The following LRP1B variants were observed in gnomAD, a reference collection of about 807,000 sequenced individuals.
The protein encoded by LRP1B is low-density lipoprotein receptor-related protein 1B.
LRP1B carries 217 observed loss-of-function variants against 556.6 expected under a neutral mutation model. The observed-to-expected ratio is 0.39, with a 90% CI of 0.35 to 0.44. The LOEUF is 0.44. Among genes scored for constraint, LRP1B ranks in the 20% least tolerant of loss-of-function variants. The pLI is 1.00. For missense variants in LRP1B, 5,053 were observed against 5,620.8 expected (o/e 0.90, Z 3.23); for synonymous variants, 2,047 against 1,865.8 (o/e 1.10, Z -2.50).
At chr2:142,027,023 G>C (rs1024463378) in intron 1 of LRP1B, among the ~76,000 whole-genome samples, 18 of 152,120 alleles carry the variant, frequency 1.2e-4, no homozygotes, top group African/African-American at 4.3e-4. Context: ...TTCACTTGTA[G>C]CAGCTAGAAA....
intron 16 of LRP1B, among the ~76,000 whole-genome samples, chr2:140,991,746 C>T (rs976236446): frequency 6.6e-6 from 1 of 151,980 alleles, no homozygotes; most frequent in Non-Finnish European, 1.5e-5. Context: ...AAAGATTTTC[C>T]TAAGAAGGTA....
At chr2:141,681,651 G>T (rs1373890380) in intron 2 of LRP1B, among the ~76,000 whole-genome samples, 1 of 152,104 alleles carries the variant, frequency 6.6e-6, no homozygotes, top group Admixed American at 6.6e-5. Context: ...TCAGAACAAA[G>T]TTAATTTTAT....
intron 1 of LRP1B, among the ~76,000 whole-genome samples, chr2:142,017,190 C>T (rs2105168574): frequency 6.6e-6 from 1 of 152,120 alleles, no homozygotes; most frequent in South Asian, 2.1e-4. Flanking sequence ...GTCTTAGAAA[C>T]ATTGGCACTC....
intron 35 of LRP1B, among the ~76,000 whole-genome samples, chr2:140,748,792 T>TA (rs1559094686): frequency 2.1e-5 from 1 of 48,644 alleles, no homozygotes; most frequent in African/African-American, 6.7e-5. Flanking sequence ...ATAATATATA[T>TA]TATATACATA....
chr2:140,336,847 T>TA (rs1352296275), intron 77 of LRP1B, among the ~76,000 whole-genome samples: 4 of 151,840 alleles, frequency 2.6e-5, no homozygotes, highest in African/African-American at 7.2e-5. Flanking sequence ...GTGTAGTAAT[T>TA]AATTTGACAT....
chr2:140,307,455 A>G (rs1162928164), intron 83 of LRP1B, among the ~76,000 whole-genome samples: 1 of 151,848 alleles, frequency 6.6e-6, no homozygotes, highest in Non-Finnish European at 1.5e-5. Context: ...AAGAAGCTTC[A>G]TATAAAATCC....
chr2:141,322,815 T>C (rs967321232), intron 3 of LRP1B, among the ~76,000 whole-genome samples: 2 of 151,970 alleles, frequency 1.3e-5, no homozygotes, highest in African/African-American at 4.8e-5. Flanking sequence ...AATCAGCTAT[T>C]GAAGAGATGT....
rs751680446 is a variant in LRP1B at position 140,335,681 on chromosome 2, T to C, written c.12050A>G (p.Asn4017Ser). The C allele has an allele frequency of 7.1e-5, 114 of 1,612,564 alleles. No individual in the cohort carries two copies. The highest frequency in any genetic ancestry group is 9.4e-5 in the Non-Finnish European group (111 of 1,178,986). Residue 4017 changes from asparagine to serine, a missense_variant, in exon 78 of 91, where the codon AAC (asparagine) becomes AGC (serine). By Grantham distance (46) the Asn-to-Ser change is conservative (BLOSUM62 1). This residue lies in a region of LRP1B where 599 missense variants were observed against 648.4 expected (regional missense o/e 0.92). Transcript: ENST00000389484. The part of the protein sequence containing the change: ...SINVGQLNGP[N>S]CTRLLTNMAG... The stretch of plus-strand genomic sequence containing the variant: ...CATATTTGTTAAGAGTCTGGTGCAG[T>C]TGGGGCCATTCAGCTGCCCTACGTT...
intron 2 of LRP1B, among the ~76,000 whole-genome samples, chr2:141,559,458 T>C (rs1376783388): frequency 6.6e-6 from 1 of 151,718 alleles, no homozygotes; most frequent in African/African-American, 2.4e-5. Flanking sequence ...TCAGATTAGA[T>C]TATGTCTGTT....
Position 140,358,072 on chromosome 2 carries a change from C to T in LRP1B, c.11302G>A (p.Ala3768Thr). 1 of 1,611,356 alleles carries T rather than the reference C, an allele frequency of 6.2e-7. No homozygotes were observed. The highest frequency in any genetic ancestry group is 8.5e-7 in the Non-Finnish European group (1 of 1,178,258). ...GGGATGCATTTTTTATTACTACAAG[C>T]AAACTCATCCTTTTTACAAGGCCTT... ...KARPCKKDEFACSNKKCIPMD... is the reference protein window; with the variant it reads ...KARPCKKDEFTCSNKKCIPMD... The change falls in exon 74 of 91, where the codon GCT becomes ACT. Residue 3768 changes from alanine (A) to threonine (T), a missense_variant. Ala to Thr is a moderately conservative substitution (Grantham distance 58). Transcript: ENST00000389484.
At chr2:141,966,899 G>T (rs75933820) in intron 1 of LRP1B, among the ~76,000 whole-genome samples, 6,862 of 151,768 alleles carry the variant, frequency 0.045, 517 homozygotes, top group African/African-American at 0.16. Context: ...GAGATGGACT[G>T]GATACTTCAG....
intron 5 of LRP1B, among the ~76,000 whole-genome samples, chr2:141,236,077 G>A (rs1230309184): frequency 2.0e-5 from 3 of 152,078 alleles, no homozygotes; most frequent in Non-Finnish European, 4.4e-5. Context: ...GTAAAATATA[G>A]TGAGAAAGAT....
chr2:141,774,444 C>T (rs1172761105), intron 2 of LRP1B, among the ~76,000 whole-genome samples: 2 of 152,066 alleles, frequency 1.3e-5, no homozygotes, highest in African/African-American at 2.4e-5. Context: ...TGAGACCTCA[C>T]TCAATCACCG....
At position 140,232,841 on chromosome 2, in the gene LRP1B, T is replaced by A. The variant is rs967447773; in HGVS notation, c.*345A>T. 6.2e-6 allele frequency: 1 copy of A among 160,792 alleles called. No homozygotes were observed. Among genetic ancestry groups the A allele is most frequent in the Non-Finnish European group, 1.4e-5 (1 of 73,894 alleles). 10.0% of individuals were successfully genotyped at this position (160,792 alleles called of 1,614,324 possible). ...TGGAAAAGTGCAGAGATTCTCCTCG[T>A]TGATTAAGTACAACCAAAAAAGTTC... On this transcript the variant is annotated 3_prime_UTR_variant, in exon 91 of 91. Transcript: ENST00000389484.
chr2:140,881,751 A>T (rs1693482742), intron 25 of LRP1B, among the ~76,000 whole-genome samples: 1 of 152,166 alleles, frequency 6.6e-6, no homozygotes, highest in Non-Finnish European at 1.5e-5. Context: ...AGCATTTTTG[A>T]CTTTCCCCTA....
intron 66 of LRP1B, among the ~76,000 whole-genome samples, chr2:140,398,044 A>G (rs923965398): frequency 3.9e-5 from 6 of 152,126 alleles, no homozygotes; most frequent in African/African-American, 1.4e-4. Context: ...TAAACTTATC[A>G]TTCATGTTTA....
intron 3 of LRP1B, among the ~76,000 whole-genome samples, chr2:141,462,922 CT>C (rs750649230): frequency 2.6e-5 from 4 of 151,728 alleles, no homozygotes; most frequent in Non-Finnish European, 5.9e-5. Context: ...CAATTCACAA[CT>C]ATGATATCAG....
At chr2:141,771,211 G>A (rs1694888378) in intron 2 of LRP1B, among the ~76,000 whole-genome samples, 1 of 152,028 alleles carries the variant, frequency 6.6e-6, no homozygotes, top group African/African-American at 2.4e-5. Flanking sequence ...ACTCTCAACT[G>A]GTCATTCATC....
intron 7 of LRP1B, among the ~76,000 whole-genome samples, chr2:141,114,582 C>T (rs867010519): frequency 2.6e-5 from 4 of 152,040 alleles, no homozygotes; most frequent in Non-Finnish European, 5.9e-5. Flanking sequence ...ACCAATCTGC[C>T]GATCTGCCAG....
Sources: allele counts gnomAD v4.1 joint callset (sites outside exome capture counted in the v4.1 genomes callset), GRCh38; gene constraint gnomAD v4.1.1; regional missense constraint gnomAD v4.1.1; transcripts MANE v1.5; gene names NCBI Gene and HGNC (gene_info 2026-07-23, HGNC 2026-07-21).